Variants in MINDY4 observed in about 807,000 individuals in gnomAD.
The protein encoded by MINDY4 is MINDY lysine 48 deubiquitinase 4.
MINDY4 carries 68 observed loss-of-function variants against 87.0 expected under a neutral mutation model. That is an observed-to-expected ratio of 0.78 (90% CI 0.64 to 0.96). The LOEUF (loss-of-function observed/expected upper bound fraction) is 0.96. MINDY4 is among the 40% of genes least tolerant of loss of function. The pLI, the probability that MINDY4 is intolerant of heterozygous loss-of-function variation, is 0.00. For synonymous variants in MINDY4, 379 were observed against 363.2 expected (o/e 1.04, Z -0.50); for missense variants, 919 against 928.2 (o/e 0.99, Z 0.13).
chr7:30,886,412 G>T (rs535528167), intron 17 of MINDY4, among the ~76,000 whole-genome samples: 1 of 152,318 alleles, frequency 6.6e-6, no homozygotes, highest in South Asian at 2.1e-4. Context: ...ACCCAGCTCT[G>T]TTGCCCTGCA....
At chr7:30,832,151 G>A (rs942779513) in intron 6 of MINDY4, among the ~76,000 whole-genome samples, 8 of 152,176 alleles carry the variant, frequency 5.3e-5, no homozygotes, top group Admixed American at 1.3e-4. Flanking sequence ...CTCCATTGGC[G>A]TCTGCTTTTC....
At chr7:30,887,138 C>T (rs1345908661) in intron 17 of MINDY4, among the ~76,000 whole-genome samples, 1 of 152,178 alleles carries the variant, frequency 6.6e-6, no homozygotes, top group East Asian at 1.9e-4. Context: ...CCTCAGCTAC[C>T]CCCACTCCCT....
intron 5 of MINDY4, among the ~76,000 whole-genome samples, chr7:30,796,202 T>A (rs1458154305): frequency 6.6e-6 from 1 of 152,142 alleles, no homozygotes. Flanking sequence ...CTCAAAAGAT[T>A]TTTTTGTGTT....
chr7:30,839,927 A>G (rs776516156), intron 8 of MINDY4, among the ~76,000 whole-genome samples: 16 of 152,128 alleles, frequency 1.1e-4, no homozygotes, highest in Non-Finnish European at 2.2e-4. Flanking sequence ...CAGGATCAAG[A>G]ATCAGCAGTT....
At chr7:30,887,549 G>A (rs1358470546) in intron 17 of MINDY4, among the ~76,000 whole-genome samples, 5 of 152,270 alleles carry the variant, frequency 3.3e-5, no homozygotes, top group African/African-American at 1.2e-4. Context: ...AGGCAGAGAG[G>A]AGAGTGCAAG....
At chr7:30,891,922 A>ATC (rs1790805220) in intron 17 of MINDY4, 35 bp from the exon 18 acceptor site, 1 of 1,611,982 alleles carries the variant, frequency 6.2e-7, no homozygotes, top group African/African-American at 1.3e-5. Context: ...CTGAAGCTTG[A>ATC]TCTCTCTTTG....
intron 12 of MINDY4, among the ~76,000 whole-genome samples, chr7:30,853,819 A>C (rs531390283): frequency 1.4e-4 from 22 of 152,326 alleles, no homozygotes; most frequent in Non-Finnish European, 2.8e-4. Context: ...CCGCCACTGG[A>C]ATACAGGAGC....
chr7:30,808,616 A>C (rs767568773), intron 5 of MINDY4, among the ~76,000 whole-genome samples: 15 of 152,144 alleles, frequency 9.9e-5, no homozygotes, highest in Non-Finnish European at 2.1e-4. Context: ...GAAACTATGG[A>C]GTACTGTGAC....
At chr7:30,877,822 CTTTTTTTTTT>C (rs60164229) in intron 15 of MINDY4, among the ~76,000 whole-genome samples, 1,600 of 47,190 alleles carry the variant, frequency 0.034, 24 homozygotes, top group African/African-American at 0.043. Flanking sequence ...CAGGGACATG[CTTTTTTTTTT>C]TTTTTTTTTT....
At position 30,875,661 on chromosome 7, in the gene MINDY4, C is replaced by G. The variant is rs188552156; in HGVS notation, c.1971+5C>G. On this transcript the variant is annotated splice_donor_5th_base_variant and intron_variant, in intron 15 of 17. Coordinates refer to ENST00000265299, the MANE Select transcript of MINDY4 (RefSeq NM_032222.3). ...GAGCATTACAACATGTGCCAGGTAC[C>G]CAGATGCTCACGTTCACCACAAGTA... The G allele has an allele frequency of 2.9e-5, 46 of 1,600,854 alleles. 1 individual carries two copies. In the Admixed American group the frequency reaches 5.6e-4, roughly 19 times the overall value.
chr7:30,785,602 T>G, intron 3 of MINDY4, 147 bp from the exon 4 acceptor site: 1 of 958,540 alleles, frequency 1.0e-6, no homozygotes, highest in Non-Finnish European at 1.6e-6. Context: ...GTTCCTTGTC[T>G]TTCATGATAA....
At chr7:30,877,961 T>A (rs35265360) in intron 15 of MINDY4, among the ~76,000 whole-genome samples, 1 of 150,024 alleles carries the variant, frequency 6.7e-6, no homozygotes, top group Middle Eastern at 3.4e-3. Flanking sequence ...GTTACAGGTG[T>A]GAGCCACTGC....
chr7:30,859,407 C>A, intron 13 of MINDY4, 83 bp downstream of exon 13: 1 of 1,302,332 alleles, frequency 7.7e-7, no homozygotes, highest in Non-Finnish European at 1.1e-6. Context: ...CAGGATGGTG[C>A]TTGGCACATG....
At chr7:30,815,367 A>C (rs1788115738) in intron 5 of MINDY4, among the ~76,000 whole-genome samples, 1 of 152,218 alleles carries the variant, frequency 6.6e-6, no homozygotes, top group Admixed American at 6.5e-5. Context: ...GCTGCCAGGA[A>C]GCCCTAATCA....
At chr7:30,879,116 C>A (rs111674581) in intron 15 of MINDY4, among the ~76,000 whole-genome samples, 47 of 152,202 alleles carry the variant, frequency 3.1e-4, no homozygotes, top group Non-Finnish European at 5.3e-4. Flanking sequence ...CTATGTCTCC[C>A]CAAAATTCCT....
At chr7:30,834,984 T>C (rs1451804404) in intron 6 of MINDY4, among the ~76,000 whole-genome samples, 1 of 152,234 alleles carries the variant, frequency 6.6e-6, no homozygotes, top group African/African-American at 2.4e-5. Context: ...TTTCAAACTT[T>C]CCCACATTTT....
chr7:30,858,740 C>T (rs1789657396), intron 12 of MINDY4: 1 of 269,310 alleles, frequency 3.7e-6, no homozygotes, highest in South Asian at 4.1e-5. Flanking sequence ...TCCAAACCTG[C>T]TCTCTGCTGC....
Position 30,782,115 on chromosome 7 carries a change from C to T in MINDY4, c.322C>T (p.Pro108Ser), listed in dbSNP as rs765049418. 7 of 1,613,904 alleles carry T rather than the reference C, an allele frequency of 4.3e-6. No individual in the cohort carries two copies. The East Asian group carries it at 8.9e-5, about 21-fold the overall frequency. ...LSVPKKNNKV[P>S]SRCSETTLVN... ...AGTTCCAAAGAAAAATAACAAAGTG[C>T]CATCAAGATGCTCAGAGACTACACT... Residue 108 changes from proline to serine, a missense_variant, in exon 3 of 18, where the codon CCA becomes TCA. Transcript: ENST00000265299.
intron 5 of MINDY4, among the ~76,000 whole-genome samples, chr7:30,799,599 T>A (rs1787589568): frequency 6.6e-6 from 1 of 152,258 alleles, no homozygotes; most frequent in African/African-American, 2.4e-5. Flanking sequence ...GTTCTTAAAC[T>A]GTGATCTCTG....
Sources: allele counts gnomAD v4.1 joint callset (sites outside exome capture counted in the v4.1 genomes callset), GRCh38; gene constraint gnomAD v4.1.1; transcripts MANE v1.5; gene names NCBI Gene and HGNC (gene_info 2026-07-23, HGNC 2026-07-21).